Variants in C13orf46 observed in about 807,000 individuals in gnomAD.
The protein encoded by C13orf46 is uncharacterized protein C13orf46.
At chr13:113,964,380 G>A (rs1416846254) in intron 6 of C13orf46, among the ~76,000 whole-genome samples, 1 of 151,970 alleles carries the variant, frequency 6.6e-6, no homozygotes, top group Non-Finnish European at 1.5e-5. Flanking sequence ...GGAGTCTTGG[G>A]GCTTCCCTGG....
chr13:113,929,063 G>T, the C13orf46 span, among the ~76,000 whole-genome samples: 1 of 152,268 alleles, frequency 6.6e-6, no homozygotes, highest in Non-Finnish European at 1.5e-5. Context: ...GCCACGGCCT[G>T]GGAGAGAAGC....
At chr13:113,936,718 C>G in the C13orf46 span, among the ~76,000 whole-genome samples, 4 of 152,026 alleles carry the variant, frequency 2.6e-5, no homozygotes, top group South Asian at 2.1e-4. Flanking sequence ...TTGCTGCTGA[C>G]TGGTTGGGGG....
the C13orf46 span, among the ~76,000 whole-genome samples, chr13:113,934,486 T>C: frequency 2.0e-5 from 3 of 152,192 alleles, no homozygotes; most frequent in Non-Finnish European, 2.9e-5. Context: ...AATTTTCCTT[T>C]TAAAAATCAC....
the C13orf46 span, among the ~76,000 whole-genome samples, chr13:113,938,606 C>T: frequency 2.9e-3 from 445 of 152,310 alleles, 4 homozygotes; most frequent in African/African-American, 0.01. Flanking sequence ...CTTGGGATTC[C>T]TAACCTAGTT....
At chr13:113,969,272 C>T (rs1234303472) in intron 2 of C13orf46, among the ~76,000 whole-genome samples, 9 of 152,358 alleles carry the variant, frequency 5.9e-5, no homozygotes, top group South Asian at 2.1e-4. Flanking sequence ...ACAGGGGCTC[C>T]GCCACCATCT....
chr13:113,947,660 C>T, the C13orf46 span, among the ~76,000 whole-genome samples: 8 of 152,194 alleles, frequency 5.3e-5, no homozygotes, highest in East Asian at 7.7e-4. Flanking sequence ...GCAGCTTCTG[C>T]GGCCCCGGGT....
chr13:113,947,444 C>T, the C13orf46 span, among the ~76,000 whole-genome samples: 1 of 152,248 alleles, frequency 6.6e-6, no homozygotes, highest in African/African-American at 2.4e-5. Context: ...TTTCATTCTG[C>T]CCACGTGGCC....
chr13:113,966,701 GATA>G (rs2052653712), intron 5 of C13orf46, among the ~76,000 whole-genome samples: 1 of 151,960 alleles, frequency 6.6e-6, no homozygotes, highest in African/African-American at 2.4e-5. Flanking sequence ...TGATGATGGT[GATA>G]ATGTTTATGG....
At chr13:113,945,357 A>G in the C13orf46 span, among the ~76,000 whole-genome samples, 1 of 151,980 alleles carries the variant, frequency 6.6e-6, no homozygotes, top group African/African-American at 2.4e-5. Flanking sequence ...CATCCTGGCT[A>G]ACATGGAGAA....
At chr13:113,939,404 G>A in the C13orf46 span, among the ~76,000 whole-genome samples, 3 of 151,034 alleles carry the variant, frequency 2.0e-5, no homozygotes, top group Non-Finnish European at 2.9e-5. Context: ...ACCACCCGAT[G>A]GGGAGGACGC....
chr13:113,948,722 C>G (rs2052478814), downstream of C13orf46, among the ~76,000 whole-genome samples: 1 of 152,232 alleles, frequency 6.6e-6, no homozygotes, highest in Non-Finnish European at 1.5e-5. Context: ...CTTTGAATCT[C>G]AGTGTGCATG....
intron 6 of C13orf46, among the ~76,000 whole-genome samples, chr13:113,963,802 TC>T (rs2052612239): frequency 6.6e-6 from 1 of 152,236 alleles, no homozygotes; most frequent in African/African-American, 2.4e-5. Context: ...GTTGTGCTAT[TC>T]CACATAATTC....
chr13:113,970,389 T>C (rs1415780312), intron 1 of C13orf46, 167 bp from the exon 2 acceptor site: 1 of 152,368 alleles, frequency 6.6e-6, no homozygotes, highest in African/African-American at 2.4e-5. Flanking sequence ...CCCTCCGGTA[T>C]TTGCTATCGG....
chr13:113,942,724 C>T, the C13orf46 span, among the ~76,000 whole-genome samples: 16 of 152,190 alleles, frequency 1.1e-4, no homozygotes, highest in African/African-American at 1.9e-4. Flanking sequence ...CGGCAGGGCG[C>T]GGTAGGAACC....
downstream of C13orf46, among the ~76,000 whole-genome samples, chr13:113,953,538 A>G (rs1049178113): frequency 1.3e-3 from 200 of 152,236 alleles, 2 homozygotes; most frequent in South Asian, 0.031. Flanking sequence ...AGCCCAACAG[A>G]AGGCAAAGGC....
chr13:113,963,180 ATCCTCAGCCTCAGCCCG>A (rs1271892151), intron 6 of C13orf46, among the ~76,000 whole-genome samples: 4 of 146,460 alleles, frequency 2.7e-5, no homozygotes, highest in South Asian at 2.2e-4. Flanking sequence ...CCTCCCCGCT[ATCCTCAGCCTCAGCCCG>A]TCCTCAGCCT....
chr13:113,972,051 C>A (rs1406062078), intron 1 of C13orf46, among the ~76,000 whole-genome samples: 3 of 152,138 alleles, frequency 2.0e-5, no homozygotes, highest in African/African-American at 7.2e-5. Flanking sequence ...TGCTGCGGCA[C>A]CTCCCATCGT....
rs2052527946 is a variant in C13orf46 at position 113,955,994 on chromosome 13, A to AGACGAGGAGTAGGATCTGGCG, written c.*778_*779insCGCCAGATCCTACTCCTCGTC. The AGACGAGGAGTAGGATCTGGCG allele has an allele frequency of 1.4e-5, 2 of 139,988 alleles. No individual in the cohort carries two copies. The highest frequency in any genetic ancestry group is 2.8e-5 in the African/African-American group (1 of 36,184). The allele number at this position is 139,988 out of a possible 1,614,324, so 8.7% of individuals were successfully genotyped here. ...GCGGAGACGAGGAGTAGGATCTGGC[A>AGACGAGGAGTAGGATCTGGCG]GAGAGGAGGAGTAGGATCTGGCGGA... On this transcript the variant is annotated 3_prime_UTR_variant, in exon 7 of 7. Coordinates refer to ENST00000636427, the MANE Select transcript of C13orf46 (RefSeq NM_001365455.2).
At position 113,965,862 on chromosome 13, in the gene C13orf46, GATGGTGATGGTGATGATGGTGGTA is replaced by G. The variant is rs1355279709; in HGVS notation, c.505-892_505-869del. 1.1e-4 allele frequency among the ~76,000 whole-genome samples: 16 copies of G among 149,288 alleles called. No individual in the cohort carries two copies. In the South Asian group the frequency reaches 1.1e-3, roughly 10 times the overall value. ...TGGTGATGATGGTGATGGTGGTGAT[GATGGTGATGGTGATGATGGTGGTA>G]ATGGTGATGGTGATGATGGCGATGG... On this transcript the variant is annotated intron_variant, in intron 5 of 6. Coordinates refer to ENST00000636427, the MANE Select transcript of C13orf46 (RefSeq NM_001365455.2).
Sources: gnomAD v4.1 joint callset for allele counts (sites outside exome capture counted in the v4.1 genomes callset) on GRCh38, gnomAD v4.1.1 for gene constraint, MANE v1.5 for transcripts, NCBI Gene and HGNC (gene_info 2026-07-23, HGNC 2026-07-21) for gene names.